Variants in SLC1A5 observed in about 807,000 individuals in gnomAD.
The protein encoded by SLC1A5 is solute carrier family 1 member 5, also known as neutral amino acid transporter B(0).
Under a neutral mutation model 34.9 loss-of-function variants are expected in SLC1A5, and 25 were observed. The ratio of observed to expected loss-of-function variants is 0.72; its 90% CI spans 0.52 to 1.00. The LOEUF is 1.00. SLC1A5 is among the 50% of genes least tolerant of loss of function. The pLI is 0.00. For missense variants in SLC1A5, 637 were observed against 740.0 expected (o/e 0.86, Z 1.61); for synonymous variants, 351 against 341.2 (o/e 1.03, Z -0.32).
intron 7 of SLC1A5, among the ~76,000 whole-genome samples, chr19:46,776,050 C>T (rs2122677868): frequency 6.6e-6 from 1 of 151,962 alleles, no homozygotes; most frequent in African/African-American, 2.4e-5. Flanking sequence ...CACATCACTA[C>T]ACTCCAGCCT....
Position 46,774,934 on chromosome 19 carries a change from A to G in SLC1A5, c.*576T>C, listed in dbSNP as rs1443806815. 1 of 985,902 alleles carries G rather than the reference A, an allele frequency of 1.0e-6. No individual in the cohort carries two copies. Among genetic ancestry groups the G allele is most frequent in the Non-Finnish European group, 1.2e-6 (1 of 830,084 alleles). 61.1% of individuals were successfully genotyped at this position (985,902 alleles called of 1,614,324 possible). A position where few individuals can be genotyped will look rare whatever the true frequency, so the allele number is the denominator to read the frequency against. On this transcript the variant is annotated 3_prime_UTR_variant, in exon 8 of 8. Coordinates refer to ENST00000542575, the MANE Select transcript of SLC1A5 (RefSeq NM_005628.3). ...GCTAAAAAAAATGTCCTCTGGAGTG[A>G]CAGCAGGTATTTGTCCTCAGCCTCT...
Position 46,778,839 on chromosome 19 carries a change from G to C in SLC1A5, c.894C>G (p.Leu298=). Residue 298 remains leucine (L), a synonymous_variant, in exon 5 of 8, where the codon CTC becomes CTG. Coordinates refer to ENST00000542575, the MANE Select transcript of SLC1A5 (RefSeq NM_005628.3). ...GAATGTACTTGCCAAGGCGGGCAAA[G>C]AGTAAACCCACATCCTCCATCTCCA... ...KIVEMEDVGL[L]FARLGKYILC... is the part of the protein sequence containing the mutation. The C allele has an allele frequency of 6.2e-7, 1 of 1,609,310 alleles. No homozygotes were observed.
rs987883041 is a variant in SLC1A5 at position 46,787,309 on chromosome 19, C to A, written c.566+91G>T. The A allele has an allele frequency of 1.4e-5, 21 of 1,522,060 alleles. No homozygotes were observed. In the Admixed American group the frequency reaches 4.2e-4, roughly 31 times the overall value. The allele number at this position is 1,522,060 out of a possible 1,614,324, so 94.3% of individuals were successfully genotyped here. A position where few individuals can be genotyped will look rare whatever the true frequency, so the allele number is the denominator to read the frequency against. On this transcript the variant is annotated intron_variant, in intron 1 of 7. Coordinates refer to ENST00000542575, the MANE Select transcript of SLC1A5 (RefSeq NM_005628.3). This position sits in a 1 kb window ranked among gnomAD's most constrained non-coding sequence, Gnocchi z 5.2. Reference sequence around the variant, plus strand: ...CTAAGACTCTAGAGGGAAGTCTCTGCTCCAGGGGCCCCAAAGCCCCGTCCT... The same window carrying A: ...CTAAGACTCTAGAGGGAAGTCTCTGATCCAGGGGCCCCAAAGCCCCGTCCT...
intron 4 of SLC1A5, 100 bp from the exon 5 acceptor site, chr19:46,779,008 GT>G: frequency 1.2e-6 from 1 of 814,774 alleles, no homozygotes; most frequent in Non-Finnish European, 1.9e-6. Context: ...CCTTCCTGAG[GT>G]CAGGAGAAGC....
intron 4 of SLC1A5, among the ~76,000 whole-genome samples, chr19:46,780,795 AC>A (rs1347218985): frequency 1.3e-5 from 2 of 151,680 alleles, no homozygotes; most frequent in African/African-American, 2.4e-5. Flanking sequence ...ACATGGCAAA[AC>A]CCTGTCTCTA....
In SLC1A5 at chr19:46,775,395, C is replaced by T; in HGVS notation, c.*115G>A. On this transcript the variant is annotated 3_prime_UTR_variant, in exon 8 of 8. Transcript: ENST00000542575. ...TCCTGGAGGGTGCTGGGGCCCCTGG[C>T]TCCCCAGAGTGTGCAGGCAGACCCC... The T allele has an allele frequency of 2.0e-6, 3 of 1,511,766 alleles. No individual in the cohort carries two copies. The highest frequency in any genetic ancestry group is 1.8e-4 in the Middle Eastern group (1 of 5,572). 93.6% of individuals were successfully genotyped at this position (1,511,766 alleles called of 1,614,324 possible). A position where few individuals can be genotyped will look rare whatever the true frequency, so the allele number is the denominator to read the frequency against.
chr19:46,779,942 T>A (rs2055132125), intron 4 of SLC1A5, among the ~76,000 whole-genome samples: 1 of 150,982 alleles, frequency 6.6e-6, no homozygotes, highest in South Asian at 2.1e-4. Flanking sequence ...ACCCTCCGCC[T>A]CCCAGGTTCA....
rs1046172272 is a variant in SLC1A5, at chr19:46,787,699, G to A, written c.267C>T (p.Phe89=). The A allele has an allele frequency of 1.3e-6, 2 of 1,586,438 alleles. No homozygotes were observed. Among genetic ancestry groups the A allele is most frequent in the South Asian group, 1.1e-5 (1 of 88,798 alleles). ...GCAGCAGCAGCTCGCCCGGGAAGAC[G>A]AAGGCGCTCAAGCGCTCCGGGCCCA... ...LALGPERLSA[F]VFPGELLLRL... is the part of the protein sequence containing the mutation. Residue 89 remains phenylalanine, a synonymous_variant, in exon 1 of 8, where the codon TTC becomes TTT. Transcript: ENST00000542575. This position sits in a 1 kb window ranked among gnomAD's most constrained non-coding sequence, Gnocchi z 5.2.
At position 46,774,984 on chromosome 19, in the gene SLC1A5, T is replaced by C. The variant is rs1246202911; in HGVS notation, c.*526A>G. 1 of 986,100 alleles carries C rather than the reference T, an allele frequency of 1.0e-6. No individual in the cohort carries two copies. Among genetic ancestry groups the C allele is most frequent in the African/African-American group, 1.7e-5 (1 of 57,174 alleles). 61.1% of individuals were successfully genotyped at this position (986,100 alleles called of 1,614,324 possible). ...TCCCCAGAGTCCCTGGGAGTGTTTCTGTTATTGTGGAGGGAATAGGGGATC... is the reference window on the plus strand; with the variant it reads ...TCCCCAGAGTCCCTGGGAGTGTTTCCGTTATTGTGGAGGGAATAGGGGATC... On this transcript the variant is annotated 3_prime_UTR_variant, in exon 8 of 8. Transcript: ENST00000542575.
intron 4 of SLC1A5, among the ~76,000 whole-genome samples, chr19:46,781,009 A>T (rs1254995558): frequency 6.6e-6 from 1 of 152,128 alleles, no homozygotes; most frequent in Non-Finnish European, 1.5e-5. Flanking sequence ...CAAATTTTAG[A>T]AAGACCATGG....
intron 4 of SLC1A5, among the ~76,000 whole-genome samples, chr19:46,779,253 CG>C (rs939643842): frequency 6.6e-6 from 1 of 151,856 alleles, no homozygotes; most frequent in African/African-American, 2.4e-5. Flanking sequence ...GGAGAAACCC[CG>C]TCTCTACTAA....
chr19:46,778,657 C>G lies in SLC1A5; in HGVS notation c.1058+18G>C, dbSNP rs2055118392. The G allele has an allele frequency of 1.6e-6, 2 of 1,277,588 alleles. No individual in the cohort carries two copies. Among genetic ancestry groups the G allele is most frequent in the Non-Finnish European group, 2.3e-6 (2 of 883,696 alleles). 79.1% of individuals were successfully genotyped at this position (1,277,588 alleles called of 1,614,324 possible). On this transcript the variant is annotated intron_variant, in intron 5 of 7. Coordinates refer to ENST00000542575, the MANE Select transcript of SLC1A5 (RefSeq NM_005628.3). The stretch of plus-strand genomic sequence containing the variant: ...TAGCGGATTAAACATCCCACCCTAG[C>G]CCACCCCAAGGCCGTACCTGGAAGA...
chr19:46,775,420 C>T lies in SLC1A5; in HGVS notation c.*90G>A. The T allele has an allele frequency of 1.3e-6, 2 of 1,525,086 alleles. No homozygotes were observed. Among genetic ancestry groups the T allele is most frequent in the Non-Finnish European group, 1.8e-6 (2 of 1,138,620 alleles). The allele number at this position is 1,525,086 out of a possible 1,614,324, so 94.5% of individuals were successfully genotyped here. A position where few individuals can be genotyped will look rare whatever the true frequency, so the allele number is the denominator to read the frequency against. ...CTCCCCAGAGTGTGCAGGCAGACCC[C>T]CAGAGCCCTAGCTCATCCATTTATC... On this transcript the variant is annotated 3_prime_UTR_variant, in exon 8 of 8. Coordinates refer to ENST00000542575, the MANE Select transcript of SLC1A5 (RefSeq NM_005628.3).
chr19:46,784,842 C>A, intron 1 of SLC1A5: 1 of 1,402,258 alleles, frequency 7.1e-7, no homozygotes, highest in Non-Finnish European at 9.2e-7. Context: ...CACGGCAGGC[C>A]AGGGCAGGTC....
At position 46,788,165 on chromosome 19, in the gene SLC1A5, T is replaced by C. The variant is rs1336900778; in HGVS notation, c.-200A>G. On this transcript the variant is annotated 5_prime_UTR_variant, in exon 1 of 8. Coordinates refer to ENST00000542575, the MANE Select transcript of SLC1A5 (RefSeq NM_005628.3). ...GCTGGAGTGTTTAAATTCCCCAGGC[T>C]GGGCGCTGAGGCTTCTCTGCTCTGC... The C allele has an allele frequency of 3.4e-5, 19 of 566,766 alleles. No homozygotes were observed. The highest frequency in any genetic ancestry group is 3.5e-4 in the Middle Eastern group (1 of 2,848). The allele number at this position is 566,766 out of a possible 1,614,324, so 35.1% of individuals were successfully genotyped here.
Position 46,777,015 on chromosome 19 carries a change from C to T in SLC1A5, c.1348G>A (p.Val450Ile), listed in dbSNP as rs1346412052. ...AIILEAVNLP[V>I]DHISLILAVD... The stretch of plus-strand genomic sequence containing the variant: ...GCCAGGATCAAGGAGATATGGTCGA[C>T]CGGGAGGTTGACTGCTTCGAGGATG... The change falls in exon 7 of 8, where the codon GTC becomes ATC. Residue 450 changes from valine (V) to isoleucine (I), a missense_variant. Transcript: ENST00000542575. 1 of 1,614,002 alleles carries T rather than the reference C, an allele frequency of 6.2e-7. No homozygotes were observed. Among genetic ancestry groups the T allele is most frequent in the African/African-American group, 1.3e-5 (1 of 75,024 alleles).
At chr19:46,776,130 A>C (rs1417761491) in intron 7 of SLC1A5, among the ~76,000 whole-genome samples, 1 of 152,060 alleles carries the variant, frequency 6.6e-6, no homozygotes, top group Non-Finnish European at 1.5e-5. Flanking sequence ...ACCTTTTAAA[A>C]GTGTCCATCT....
rs1287462309 is a variant in SLC1A5 at position 46,777,160 on chromosome 19, TG to T, written c.1253+50del. The T allele has an allele frequency of 5.6e-6, 9 of 1,607,034 alleles. No individual in the cohort carries two copies. The African/African-American group carries it at 9.4e-5, about 17-fold the overall frequency. On this transcript the variant is annotated intron_variant, in intron 6 of 7. Coordinates refer to ENST00000542575, the MANE Select transcript of SLC1A5 (RefSeq NM_005628.3). ...CAGATGCCTGTCTTGTGGGAGAAGA[TG>T]GGGGTCAACAGGGGTCCGGGGGTCC...
intron 4 of SLC1A5, 37 bp downstream of exon 4, chr19:46,782,346 A>AACCCCCCCCCCCCCCCC: frequency 1.4e-4 from 77 of 567,958 alleles, no homozygotes; most frequent in Middle Eastern, 5.2e-4. Flanking sequence ...CGACCCTCCA[A>AACCCCCCCCCCCCCCCC]CCCCACCCAC....
Sources: gnomAD v4.1 joint callset for allele counts (sites outside exome capture counted in the v4.1 genomes callset) on GRCh38, gnomAD v4.1.1 for gene constraint, Gnocchi (gnomAD v3.1) non-coding constraint, MANE v1.5 for transcripts, NCBI Gene and HGNC (gene_info 2026-07-23, HGNC 2026-07-21) for gene names.